Variants in ZNF804B observed in about 807,000 individuals in gnomAD.
The protein encoded by ZNF804B is zinc finger protein 804B, also known as zinc finger 804B.
In ZNF804B, 80 loss-of-function variants were observed where a neutral mutation model predicts 101.4. The observed-to-expected ratio is 0.79, with a 90% CI of 0.66 to 0.95. The LOEUF (loss-of-function observed/expected upper bound fraction) is 0.95, where lower values mean the gene tolerates loss of function less well. Ranked by LOEUF, ZNF804B falls within the 40% of genes least tolerant of loss-of-function variation. ZNF804B has a pLI of 0.00. For missense variants in ZNF804B, 1,673 were observed against 1,561.9 expected (o/e 1.07, Z -1.20); for synonymous variants, 622 against 558.8 (o/e 1.11, Z -1.59).
At position 88,776,560 on chromosome 7, in the gene ZNF804B, G is replaced by GTTTTTTTTTTTTTTTTTTTTTTTTTTTT; in HGVS notation, c.108+16497_108+16498insTTTTTTTTTTTTTTTTTTTTTTTTTTTT. ...GCTTTTCTATTTCTCGTGGTGTTTT[G>GTTTTTTTTTTTTTTTTTTTTTTTTTTTT]TTTTTTTTTTTTTTTTTTTTTCAGA... On this transcript the variant is annotated intron_variant, in intron 1 of 3. Coordinates refer to ENST00000333190, the MANE Select transcript of ZNF804B (RefSeq NM_181646.5). 2.7e-5 allele frequency among the ~76,000 whole-genome samples: 2 copies of GTTTTTTTTTTTTTTTTTTTTTTTTTTTT among 75,112 alleles called. 1 individual carries two copies. The highest frequency in any genetic ancestry group is 1.0e-3 in the South Asian group (2 of 1,908). The allele number at this position is 75,112 out of a possible 152,430, so 49.3% of individuals were successfully genotyped here.
intron 1 of ZNF804B, among the ~76,000 whole-genome samples, chr7:89,122,648 C>A (rs1790423665): frequency 6.6e-6 from 1 of 152,108 alleles, no homozygotes; most frequent in South Asian, 2.1e-4. Flanking sequence ...TGGTGCCTTG[C>A]CACTTAATCA....
At chr7:88,837,681 C>T (rs1047586280) in intron 1 of ZNF804B, among the ~76,000 whole-genome samples, 15 of 151,822 alleles carry the variant, frequency 9.9e-5, no homozygotes, top group Admixed American at 5.9e-4. Flanking sequence ...CAAGGGAGAA[C>T]GTTCACAGTT....
chr7:88,888,589 G>GA (rs1291974687), intron 1 of ZNF804B, among the ~76,000 whole-genome samples: 7 of 151,160 alleles, frequency 4.6e-5, no homozygotes, highest in Non-Finnish European at 8.9e-5. Context: ...ATCACAAGTA[G>GA]AAAAAAAAGA....
intron 1 of ZNF804B, among the ~76,000 whole-genome samples, chr7:88,786,623 C>T (rs761470543): frequency 2.3e-4 from 35 of 152,008 alleles, no homozygotes; most frequent in Non-Finnish European, 4.9e-4. Context: ...TAGTGCCTAG[C>T]TATTTCAACA....
At chr7:89,100,462 T>G (rs1269678542) in intron 1 of ZNF804B, among the ~76,000 whole-genome samples, 1 of 151,986 alleles carries the variant, frequency 6.6e-6, no homozygotes, top group Non-Finnish European at 1.5e-5. Context: ...AATGAACAAA[T>G]TGGATTACAT....
intron 1 of ZNF804B, among the ~76,000 whole-genome samples, chr7:88,911,691 T>C (rs950750113): frequency 2.6e-5 from 4 of 151,554 alleles, no homozygotes; most frequent in Non-Finnish European, 5.9e-5. Flanking sequence ...AATGAAGATC[T>C]TAAGTGTTCA....
chr7:88,810,460 C>G (rs2115733113), intron 1 of ZNF804B, among the ~76,000 whole-genome samples: 1 of 151,228 alleles, frequency 6.6e-6, no homozygotes, highest in South Asian at 2.1e-4. Flanking sequence ...CGAGACCAGC[C>G]TGGGCAATAT....
At chr7:88,852,666 A>C (rs1291030896) in intron 1 of ZNF804B, among the ~76,000 whole-genome samples, 2 of 152,168 alleles carry the variant, frequency 1.3e-5, no homozygotes, top group African/African-American at 4.8e-5. Context: ...TTCCATTATG[A>C]TTTAAGCAGT....
chr7:89,198,109 C>A (rs945481043), intron 1 of ZNF804B, among the ~76,000 whole-genome samples: 4 of 151,784 alleles, frequency 2.6e-5, no homozygotes, highest in African/African-American at 9.7e-5. Context: ...ATTATTAAAT[C>A]TTTGCAAATA....
At chr7:89,311,522 T>A (rs918641586) in intron 2 of ZNF804B, among the ~76,000 whole-genome samples, 8 of 152,198 alleles carry the variant, frequency 5.3e-5, no homozygotes, top group African/African-American at 1.7e-4. Flanking sequence ...TAATCAAATA[T>A]TTAGTCAAGA....
At chr7:88,808,601 G>A (rs1790728420) in intron 1 of ZNF804B, among the ~76,000 whole-genome samples, 1 of 151,988 alleles carries the variant, frequency 6.6e-6, no homozygotes, top group South Asian at 2.1e-4. Flanking sequence ...GAATATATGT[G>A]GATATACAAA....
intron 1 of ZNF804B, among the ~76,000 whole-genome samples, chr7:88,899,823 A>G (rs563941204): frequency 1.3e-5 from 2 of 152,296 alleles, no homozygotes; most frequent in East Asian, 1.9e-4. Context: ...AAGTATGTAT[A>G]TAGTAATAAA....
intron 2 of ZNF804B, among the ~76,000 whole-genome samples, chr7:89,279,692 G>A (rs1223616688): frequency 6.6e-6 from 1 of 152,102 alleles, no homozygotes; most frequent in Non-Finnish European, 1.5e-5. Context: ...TTGCATCCCA[G>A]GGATGAAGCC....
chr7:88,856,705 C>T (rs1459429849), intron 1 of ZNF804B, among the ~76,000 whole-genome samples: 1 of 152,018 alleles, frequency 6.6e-6, no homozygotes, highest in African/African-American at 2.4e-5. Context: ...GGGAATGCTT[C>T]CAGTTTTTGC....
chr7:89,003,257 G>A (rs1195990845), intron 1 of ZNF804B, among the ~76,000 whole-genome samples: 1 of 151,990 alleles, frequency 6.6e-6, no homozygotes, highest in Non-Finnish European at 1.5e-5. Flanking sequence ...AGAGGAGACA[G>A]TGCCATAGTG....
intron 1 of ZNF804B, among the ~76,000 whole-genome samples, chr7:88,878,664 C>A (rs1237966428): frequency 2.6e-5 from 4 of 152,072 alleles, no homozygotes; most frequent in Non-Finnish European, 4.4e-5. Flanking sequence ...TTGAAATAAT[C>A]ATGAAGAAAT....
chr7:89,046,268 A>G (rs555161934), intron 1 of ZNF804B, among the ~76,000 whole-genome samples: 2 of 152,218 alleles, frequency 1.3e-5, no homozygotes, highest in Non-Finnish European at 2.9e-5. Flanking sequence ...TAAATTACCC[A>G]GTCTCAAGCA....
intron 1 of ZNF804B, among the ~76,000 whole-genome samples, chr7:89,037,860 A>G (rs558574632): frequency 1.3e-5 from 2 of 152,248 alleles, no homozygotes; most frequent in Admixed American, 6.5e-5. Context: ...ATGAACTTTT[A>G]TAAGTTCAAC....
At chr7:88,973,214 T>G (rs1398997593) in intron 1 of ZNF804B, among the ~76,000 whole-genome samples, 1 of 151,298 alleles carries the variant, frequency 6.6e-6, no homozygotes, top group Non-Finnish European at 1.5e-5. Context: ...TTTTACATAT[T>G]GTAATCCATT....
Sources: gnomAD v4.1 joint callset for allele counts (sites outside exome capture counted in the v4.1 genomes callset) on GRCh38, gnomAD v4.1.1 for gene constraint, MANE v1.5 for transcripts, NCBI Gene and HGNC (gene_info 2026-07-23, HGNC 2026-07-21) for gene names.